Variants in MNAT1 observed in about 807,000 individuals in gnomAD.
MNAT1 encodes the protein MNAT1 component of CDK activating kinase.
MNAT1 carries 43 observed loss-of-function variants against 42.0 expected under a neutral mutation model. The ratio of observed to expected loss-of-function variants is 1.02; its 90% CI spans 0.80 to 1.32. The LOEUF (loss-of-function observed/expected upper bound fraction) is 1.32, where lower values mean the gene tolerates loss of function less well. MNAT1 is among the 40% of genes most tolerant of loss of function. MNAT1 has a pLI of 0.00. For synonymous variants in MNAT1, 118 were observed against 120.0 expected, an observed-to-expected ratio of 0.98 and a Z score of 0.11; for missense variants, 306 against 350.4, an observed-to-expected ratio of 0.87 and a Z score of 1.01.
In MNAT1 at chr14:60,840,782, G is replaced by A. The variant is rs559375702; in HGVS notation, c.687+21935G>A. Among the ~76,000 whole-genome samples, 7 of 152,188 alleles carry A rather than the reference G, an allele frequency of 4.6e-5. No homozygotes were observed. The South Asian group carries it at 1.0e-3, about 23-fold the overall frequency. On this transcript the variant is annotated intron_variant, in intron 6 of 7. Transcript: ENST00000261245. ...GGGTTCAAGCGATTCTCCTGCCTCA[G>A]CCTCACGAGTAGCTGGGATTACAGG...
intron 7 of MNAT1, among the ~76,000 whole-genome samples, chr14:60,906,212 A>C (rs1346367026): frequency 6.6e-6 from 1 of 152,192 alleles, no homozygotes; most frequent in Non-Finnish European, 1.5e-5. Flanking sequence ...GAATGGTAGG[A>C]GAATAGGTTC....
intron 1 of MNAT1, among the ~76,000 whole-genome samples, chr14:60,795,396 G>A (rs370623802): frequency 7.0e-4 from 107 of 152,190 alleles, no homozygotes; most frequent in African/African-American, 2.4e-3. Context: ...ATCCCACCAA[G>A]TCCCCAGGAA....
At chr14:60,886,863 T>C (rs1054054219) in intron 7 of MNAT1, among the ~76,000 whole-genome samples, 1 of 152,152 alleles carries the variant, frequency 6.6e-6, no homozygotes. Context: ...TATTTTATTT[T>C]TCTTGTCTAA....
chr14:60,870,470 A>G (rs1008996477), intron 6 of MNAT1, among the ~76,000 whole-genome samples: 4 of 152,144 alleles, frequency 2.6e-5, no homozygotes, highest in Admixed American at 6.5e-5. Context: ...TTTGTGCCGT[A>G]CTTTTCAAAG....
intron 7 of MNAT1, among the ~76,000 whole-genome samples, chr14:60,892,890 A>G (rs990269326): frequency 6.6e-6 from 1 of 152,134 alleles, no homozygotes; most frequent in African/African-American, 2.4e-5. Flanking sequence ...CTTTTAGTTG[A>G]CAGCACCACA....
chr14:60,826,499 T>C (rs569710499), intron 6 of MNAT1, among the ~76,000 whole-genome samples: 1 of 152,020 alleles, frequency 6.6e-6, no homozygotes, highest in East Asian at 1.9e-4. Flanking sequence ...TTTTGTATTT[T>C]CAGTAGAGAC....
intron 7 of MNAT1, among the ~76,000 whole-genome samples, chr14:60,936,210 A>G (rs1265478377): frequency 8.5e-5 from 13 of 152,216 alleles, no homozygotes; most frequent in Non-Finnish European, 1.9e-4. Context: ...GATTCTCCGG[A>G]GACCCCTTTT....
chr14:60,879,202 T>A (rs1337208652), intron 6 of MNAT1, among the ~76,000 whole-genome samples: 1 of 152,152 alleles, frequency 6.6e-6, no homozygotes, highest in Non-Finnish European at 1.5e-5. Flanking sequence ...CATTCTTCCA[T>A]CCAGTCTTCA....
chr14:60,741,670 T>TTTTG (rs1157267541), intron 1 of MNAT1, among the ~76,000 whole-genome samples: 6 of 146,846 alleles, frequency 4.1e-5, no homozygotes, highest in African/African-American at 7.5e-5. Context: ...TTTTTTTTTT[T>TTTTG]TTTTTTTTTT....
chr14:60,804,549 A>G (rs1015150708), intron 3 of MNAT1, among the ~76,000 whole-genome samples: 31 of 152,002 alleles, frequency 2.0e-4, no homozygotes, highest in African/African-American at 6.8e-4. Context: ...TTTTAGAGAT[A>G]GGGTCTCACT....
intron 3 of MNAT1, among the ~76,000 whole-genome samples, chr14:60,801,084 G>A (rs1224070011): frequency 6.6e-6 from 1 of 152,076 alleles, no homozygotes; most frequent in African/African-American, 2.4e-5. Context: ...TAGAGATGTG[G>A]TTTGGTGACA....
At chr14:60,907,088 G>A (rs2035215925) in intron 7 of MNAT1, among the ~76,000 whole-genome samples, 1 of 151,882 alleles carries the variant, frequency 6.6e-6, no homozygotes, top group East Asian at 1.9e-4. Flanking sequence ...CTCCCCTATG[G>A]TACTACATAT....
chr14:60,857,033 C>G (rs908739738), intron 6 of MNAT1, among the ~76,000 whole-genome samples: 2 of 152,160 alleles, frequency 1.3e-5, no homozygotes, highest in African/African-American at 4.8e-5. Flanking sequence ...AAATTTACTC[C>G]ACCTGTGCTC....
chr14:60,753,729 T>C (rs1487345250), intron 1 of MNAT1: 2 of 152,208 alleles, frequency 1.3e-5, no homozygotes, highest in Non-Finnish European at 2.9e-5. Flanking sequence ...TTTGTGGCCA[T>C]ATGTAAAACC....
chr14:60,924,671 G>C (rs763701480), intron 7 of MNAT1, among the ~76,000 whole-genome samples: 18 of 152,144 alleles, frequency 1.2e-4, no homozygotes, highest in Non-Finnish European at 2.2e-4. Context: ...CCCATACAGA[G>C]AAAACTACTC....
intron 3 of MNAT1, among the ~76,000 whole-genome samples, chr14:60,805,151 T>C (rs1474141990): frequency 6.6e-6 from 1 of 152,184 alleles, no homozygotes; most frequent in African/African-American, 2.4e-5. Context: ...GGGTATTAGT[T>C]TATTTTTTCT....
chr14:60,805,423 G>A (rs938584535), intron 3 of MNAT1, among the ~76,000 whole-genome samples: 1 of 152,044 alleles, frequency 6.6e-6, no homozygotes, highest in Non-Finnish European at 1.5e-5. Flanking sequence ...ATCACACAAA[G>A]TCTGTAGTTT....
At chr14:60,738,781 C>T (rs1411220781) in intron 1 of MNAT1, among the ~76,000 whole-genome samples, 5 of 151,956 alleles carry the variant, frequency 3.3e-5, no homozygotes, top group Admixed American at 6.6e-5. Flanking sequence ...GTGATCCACC[C>T]GCTTTGGCAT....
chr14:60,820,760 G>C (rs950672096), intron 6 of MNAT1, among the ~76,000 whole-genome samples: 1 of 151,724 alleles, frequency 6.6e-6, no homozygotes, highest in Non-Finnish European at 1.5e-5. Context: ...TAAGCCTTTG[G>C]GTGGTTTCCT....
Sources: gnomAD v4.1 joint callset for allele counts (sites outside exome capture counted in the v4.1 genomes callset) on GRCh38, gnomAD v4.1.1 for gene constraint, MANE v1.5 for transcripts, NCBI Gene and HGNC (gene_info 2026-07-23, HGNC 2026-07-21) for gene names.